Variants in MGAT4C observed in about 807,000 individuals in gnomAD.
MGAT4C encodes MGAT4 family member C.
A neutral mutation model predicts 40.1 loss-of-function variants in MGAT4C; 19 were observed. The ratio of observed to expected loss-of-function variants is 0.47; its 90% CI spans 0.33 to 0.70. The LOEUF (loss-of-function observed/expected upper bound fraction) is 0.70. Among genes scored for constraint, MGAT4C ranks in the 30% least tolerant of loss-of-function variants. The pLI, the probability that MGAT4C is intolerant of heterozygous loss-of-function variation, is 0.02. For synonymous variants in MGAT4C, 181 were observed against 187.1 expected, an observed-to-expected ratio of 0.97 and a Z score of 0.27; for missense variants, 491 against 563.2, an observed-to-expected ratio of 0.87 and a Z score of 1.30.
rs561382481 is a variant in MGAT4C, at chr12:86,083,651, GA to G, written c.-56-33929del. On this transcript the variant is annotated intron_variant, in intron 1 of 4. Coordinates refer to ENST00000611864, the MANE Select transcript of MGAT4C (RefSeq NM_001351288.2). ...TTAGAACAGAATGGACTCATACACA[GA>G]GTGAATTATATCTGAGCTACATCCT... Among the ~76,000 whole-genome samples the G allele has an allele frequency of 3.5e-3, 532 of 152,088 alleles. 2 individuals carry two copies. Among genetic ancestry groups the G allele is most frequent in the Middle Eastern group, 0.014 (4 of 294 alleles).
At chr12:86,602,981 G>T (rs2136462020) in intron 2 of MGAT4C, among the ~76,000 whole-genome samples, 1 of 151,290 alleles carries the variant, frequency 6.6e-6, no homozygotes, top group Non-Finnish European at 1.5e-5. Context: ...TGAATATGAA[G>T]CATATTACGC....
At chr12:86,053,251 G>A (rs1893065028) in intron 1 of MGAT4C, among the ~76,000 whole-genome samples, 1 of 150,288 alleles carries the variant, frequency 6.7e-6, no homozygotes, top group Non-Finnish European at 1.5e-5. Flanking sequence ...TTGACTTTGT[G>A]TGTGTGTGTG....
chr12:85,958,798 T>C lies in MGAT4C; in HGVS notation c.*20491A>G, dbSNP rs1308280191. On this transcript the variant is annotated 3_prime_UTR_variant, in exon 5 of 5. Transcript: ENST00000611864. ...TAAAGCTCCTTCAAAAACATAAATG[T>C]ATTCTTTAGAGAGTTAAAAAAAGTA... The C allele has an allele frequency of 6.6e-6, 1 of 152,060 alleles. No homozygotes were observed. Among genetic ancestry groups the C allele is most frequent in the Admixed American group, 6.6e-5 (1 of 15,250 alleles). The allele number at this position is 152,060 out of a possible 1,614,324, so 9.4% of individuals were successfully genotyped here. A position where few individuals can be genotyped will look rare whatever the true frequency, so the allele number is the denominator to read the frequency against.
intron 4 of MGAT4C, among the ~76,000 whole-genome samples, chr12:86,301,350 T>A (rs550043882): frequency 6.6e-6 from 1 of 152,324 alleles, no homozygotes; most frequent in East Asian, 1.9e-4. Flanking sequence ...GTATAATAAA[T>A]AATTTCCTTG....
intron 2 of MGAT4C, among the ~76,000 whole-genome samples, chr12:86,617,844 A>G (rs999942058): frequency 2.6e-5 from 4 of 152,228 alleles, no homozygotes; most frequent in Non-Finnish European, 4.4e-5. Flanking sequence ...GAACTATATT[A>G]AAGCAAAAAA....
In MGAT4C at chr12:86,502,374, C is replaced by A. The variant is rs117680575; in HGVS notation, c.-228-67109G>T. 2.9e-3 allele frequency among the ~76,000 whole-genome samples: 446 copies of A among 151,818 alleles called. 2 individuals are homozygous for A. The highest frequency in any genetic ancestry group is 7.9e-3 in the Admixed American group (120 of 15,170). On this transcript the variant is annotated intron_variant, in intron 2 of 7. Coordinates refer to the MGAT4C transcript ENST00000548651. ...GGAAGAAAATATCATTAGGTAGAACCCAGGGGATCTTTAGGGCACTGAAAC... is the reference window on the plus strand; with the variant it reads ...GGAAGAAAATATCATTAGGTAGAACACAGGGGATCTTTAGGGCACTGAAAC...
At chr12:86,398,757 C>T (rs1221761589) in intron 3 of MGAT4C, among the ~76,000 whole-genome samples, 1 of 151,778 alleles carries the variant, frequency 6.6e-6, no homozygotes, top group Non-Finnish European at 1.5e-5. Context: ...TCTTCCACCA[C>T]CTTTCTGTCT....
At chr12:86,809,673 T>C (rs1328975183) in intron 1 of MGAT4C, among the ~76,000 whole-genome samples, 3 of 152,050 alleles carry the variant, frequency 2.0e-5, no homozygotes, top group Admixed American at 6.6e-5. Context: ...CATTTTTATA[T>C]CCTCTTCATA....
chr12:86,607,287 T>C (rs1192280973), intron 2 of MGAT4C, among the ~76,000 whole-genome samples: 1 of 152,096 alleles, frequency 6.6e-6, no homozygotes, highest in Non-Finnish European at 1.5e-5. Flanking sequence ...TTATTAATAC[T>C]AATATTTGAC....
intron 3 of MGAT4C, among the ~76,000 whole-genome samples, chr12:86,360,952 C>T (rs150909198): frequency 1.5e-4 from 23 of 152,336 alleles, no homozygotes; most frequent in African/African-American, 5.5e-4. Context: ...CATCAAGCTA[C>T]TGATGACTTT....
intron 2 of MGAT4C, among the ~76,000 whole-genome samples, chr12:86,472,602 AT>A (rs1290601627): frequency 2.6e-5 from 4 of 151,934 alleles, no homozygotes; most frequent in African/African-American, 7.3e-5. Flanking sequence ...ACTATTATAG[AT>A]TTTTTTTCTT....
Position 86,700,170 on chromosome 12 carries a change from CAGACAGACAGATAGAT to C in MGAT4C, c.-229+27023_-229+27038del, listed in dbSNP as rs1410351643. On this transcript the variant is annotated intron_variant, in intron 2 of 7. Coordinates refer to the MGAT4C transcript ENST00000548651. ...ACAGACAGACAGACAGACAGACAGA[CAGACAGACAGATAGAT>C]AGATAGATAGATAGATAGATAGATA... is the stretch of plus-strand genomic sequence containing the variant. Among the ~76,000 whole-genome samples, 613 of 135,882 alleles carry C rather than the reference CAGACAGACAGATAGAT, an allele frequency of 4.5e-3. 4 individuals carry two copies. Among genetic ancestry groups the C allele is most frequent in the African/African-American group, 0.015 (510 of 35,064 alleles). The allele number at this position is 135,882 out of a possible 152,430, so 89.1% of individuals were successfully genotyped here.
At chr12:86,138,749 T>C (rs1373994006) in intron 1 of MGAT4C, among the ~76,000 whole-genome samples, 1 of 151,348 alleles carries the variant, frequency 6.6e-6, no homozygotes, top group East Asian at 1.9e-4. Context: ...ACTCACACTA[T>C]GGAGGAAAAT....
At chr12:86,089,234 T>C (rs1872451275) in intron 1 of MGAT4C, among the ~76,000 whole-genome samples, 1 of 151,980 alleles carries the variant, frequency 6.6e-6, no homozygotes. Context: ...TTTTGCTCTT[T>C]TGTTTATAAC....
At chr12:86,163,457 G>C (rs1017397290) in intron 1 of MGAT4C, among the ~76,000 whole-genome samples, 2 of 152,118 alleles carry the variant, frequency 1.3e-5, no homozygotes, top group Non-Finnish European at 2.9e-5. Context: ...CTCCAAAACT[G>C]CTGGGATGAT....
intron 2 of MGAT4C, among the ~76,000 whole-genome samples, chr12:86,534,153 T>C (rs968037028): frequency 6.6e-6 from 1 of 152,086 alleles, no homozygotes; most frequent in African/African-American, 2.4e-5. Context: ...CCAAGAGAGT[T>C]TGCCACCGTT....
At chr12:86,771,513 A>G (rs1451763669) in intron 1 of MGAT4C, among the ~76,000 whole-genome samples, 1 of 152,114 alleles carries the variant, frequency 6.6e-6, no homozygotes, top group Non-Finnish European at 1.5e-5. Flanking sequence ...CTGTAGAAAA[A>G]GTCTCTATCC....
At chr12:86,811,293 G>A (rs1307643220) in intron 1 of MGAT4C, among the ~76,000 whole-genome samples, 1 of 149,074 alleles carries the variant, frequency 6.7e-6, no homozygotes, top group Non-Finnish European at 1.5e-5. Context: ...CTGAAGAACA[G>A]TTCCATTTTT....
chr12:86,381,310 A>G (rs1031827604), intron 3 of MGAT4C, among the ~76,000 whole-genome samples: 12 of 152,198 alleles, frequency 7.9e-5, no homozygotes, highest in African/African-American at 2.9e-4. Context: ...GAAAAAAGAC[A>G]TATCTTCATT....
Sources: gnomAD v4.1 joint callset for allele counts (sites outside exome capture counted in the v4.1 genomes callset) on GRCh38, gnomAD v4.1.1 for gene constraint, MANE v1.5 for transcripts, NCBI Gene and HGNC (gene_info 2026-07-23, HGNC 2026-07-21) for gene names.